The following NEDD4L variants were observed in gnomAD, a reference collection of about 807,000 sequenced individuals.
The protein encoded by NEDD4L is E3 ubiquitin-protein ligase NEDD4-like.
Under a neutral mutation model 148.9 loss-of-function variants are expected in NEDD4L, and 54 were observed. The ratio of observed to expected loss-of-function variants is 0.36; its 90% CI spans 0.29 to 0.45. NEDD4L has a LOEUF of 0.45. Ranked by LOEUF, NEDD4L falls within the 20% of genes least tolerant of loss-of-function variation. The pLI is 1.00. For missense variants in NEDD4L, 856 were observed against 1,233.8 expected (o/e 0.69, Z 4.59); for synonymous variants, 433 against 440.7 (o/e 0.98, Z 0.22).
intron 6 of NEDD4L, among the ~76,000 whole-genome samples, chr18:58,318,955 T>C (rs1457716924): frequency 6.6e-6 from 1 of 152,226 alleles, no homozygotes; most frequent in Non-Finnish European, 1.5e-5. Flanking sequence ...CATGGCTGAC[T>C]CTGGAATTTA....
At chr18:58,373,506 C>G (rs1427471224) in intron 24 of NEDD4L, among the ~76,000 whole-genome samples, 2 of 152,184 alleles carry the variant, frequency 1.3e-5, no homozygotes, top group Admixed American at 6.5e-5. Context: ...GGGGCATGAA[C>G]CAGCACCTCT....
At position 58,385,605 on chromosome 18, in the gene NEDD4L, G is replaced by T; in HGVS notation, c.2487+19G>T. 6.2e-7 allele frequency: 1 copy of T among 1,608,440 alleles called. No homozygotes were observed. Among genetic ancestry groups the T allele is most frequent in the Non-Finnish European group, 8.5e-7 (1 of 1,174,888 alleles). On this transcript the variant is annotated intron_variant, in intron 26 of 30. Transcript: ENST00000400345. ...CTTGGAGGTAAGCCATGCTGGCCAG[G>T]GTTCTCTGCCATGTGCCTCTGGTCC...
At chr18:58,310,463 A>G (rs975186755) in intron 5 of NEDD4L, among the ~76,000 whole-genome samples, 3 of 152,206 alleles carry the variant, frequency 2.0e-5, no homozygotes, top group African/African-American at 7.2e-5. Flanking sequence ...CATTCAGAGA[A>G]TATGTCATCA....
At chr18:58,248,636 G>A (rs908653250) in intron 3 of NEDD4L, among the ~76,000 whole-genome samples, 2 of 151,986 alleles carry the variant, frequency 1.3e-5, no homozygotes, top group Non-Finnish European at 2.9e-5. Flanking sequence ...ATATTTTCAC[G>A]ATGACTCTTT....
intron 1 of NEDD4L, among the ~76,000 whole-genome samples, chr18:58,144,773 A>G (rs539746849): frequency 1.3e-5 from 2 of 152,330 alleles, no homozygotes; most frequent in African/African-American, 4.8e-5. Context: ...ACACCATTTA[A>G]TGCAGGTGGA....
At position 58,256,468 on chromosome 18, in the gene NEDD4L, T is replaced by C. The variant is rs2148581133; in HGVS notation, c.297+4414T>C. ...AGGGGGACAGGTTGGTGAGGTATCC[T>C]CGCATTCGGCTGGAGAGGAGCACCT... On this transcript the variant is annotated intron_variant, in intron 5 of 30. Coordinates refer to ENST00000400345, the MANE Select transcript of NEDD4L (RefSeq NM_001144967.3). This position sits in a 1 kb window ranked among gnomAD's most constrained non-coding sequence, Gnocchi z 5.2. 1 of 1,232,220 alleles carries C rather than the reference T, an allele frequency of 8.1e-7. No individual in the cohort carries two copies. Among genetic ancestry groups the C allele is most frequent in the Non-Finnish European group, 1.0e-6 (1 of 988,052 alleles). The allele number at this position is 1,232,220 out of a possible 1,614,324, so 76.3% of individuals were successfully genotyped here.
At chr18:58,284,678 T>C (rs1299188712) in intron 5 of NEDD4L, among the ~76,000 whole-genome samples, 1 of 152,264 alleles carries the variant, frequency 6.6e-6, no homozygotes, top group African/African-American at 2.4e-5. Context: ...ATATCAAATA[T>C]TTAATCTTAC....
chr18:58,055,633 CA>C (rs2082055140), intron 1 of NEDD4L, among the ~76,000 whole-genome samples: 1 of 152,158 alleles, frequency 6.6e-6, no homozygotes, highest in Non-Finnish European at 1.5e-5. Flanking sequence ...ATTAGGAGCT[CA>C]CCACTACGTT....
chr18:58,330,574 T>C (rs777894551), intron 10 of NEDD4L, among the ~76,000 whole-genome samples, 164 bp from the exon 11 acceptor site: 1 of 152,242 alleles, frequency 6.6e-6, no homozygotes, highest in Non-Finnish European at 1.5e-5. Context: ...GGGGGAGTTA[T>C]CTTCCTCGTG....
intron 18 of NEDD4L, among the ~76,000 whole-genome samples, chr18:58,356,119 A>AT (rs760239489): frequency 6.8e-5 from 10 of 146,850 alleles, no homozygotes; most frequent in African/African-American, 9.9e-5. Flanking sequence ...CACCTGGCTA[A>AT]TTTTTTTTTT....
chr18:58,161,166 G>A (rs2036158203), intron 1 of NEDD4L, among the ~76,000 whole-genome samples: 1 of 152,066 alleles, frequency 6.6e-6, no homozygotes, highest in South Asian at 2.1e-4. Context: ...GAGTAGCTGG[G>A]ACTACTGGCA....
intron 1 of NEDD4L, among the ~76,000 whole-genome samples, chr18:58,161,246 G>T (rs1199406822): frequency 6.6e-6 from 1 of 152,036 alleles, no homozygotes; most frequent in African/African-American, 2.4e-5. Flanking sequence ...GGTCAGGCTG[G>T]TCTTGAACTC....
intron 5 of NEDD4L, among the ~76,000 whole-genome samples, chr18:58,306,983 A>G (rs1041546054): frequency 3.9e-5 from 6 of 152,194 alleles, no homozygotes; most frequent in African/African-American, 1.2e-4. Flanking sequence ...TAGATGAGCT[A>G]CAGGTTGGCT....
In NEDD4L at chr18:58,112,790, C is replaced by T. The variant is rs142971604; in HGVS notation, c.49-52998C>T. On this transcript the variant is annotated intron_variant, in intron 1 of 30. Transcript: ENST00000400345. ...CAGGCATGAGCCACCATGCCTGGCCCATTATATATACATTTTTAATATAAT... is the reference window on the plus strand; with the variant it reads ...CAGGCATGAGCCACCATGCCTGGCCTATTATATATACATTTTTAATATAAT... Among the ~76,000 whole-genome samples, 507 of 152,236 alleles carry T rather than the reference C, an allele frequency of 3.3e-3. 4 individuals carry two copies. The highest frequency in any genetic ancestry group is 0.011 in the African/African-American group (460 of 41,542).
intron 24 of NEDD4L, among the ~76,000 whole-genome samples, chr18:58,376,711 G>A (rs1322126891): frequency 2.0e-5 from 3 of 152,108 alleles, no homozygotes; most frequent in Non-Finnish European, 2.9e-5. Context: ...ATATAAAAAT[G>A]AGCATGTCAT....
chr18:58,231,237 CAAAAAAAAAA>C (rs67220469), intron 2 of NEDD4L, among the ~76,000 whole-genome samples: 1 of 90,182 alleles, frequency 1.1e-5, no homozygotes, highest in Admixed American at 1.2e-4. Context: ...GACCCTATCT[CAAAAAAAAAA>C]AAAAAAAAAA....
At chr18:58,266,820 T>C (rs2050286967) in intron 5 of NEDD4L, among the ~76,000 whole-genome samples, 1 of 152,046 alleles carries the variant, frequency 6.6e-6, no homozygotes. Context: ...GTACTAAGAG[T>C]CTTGTGTTTT....
intron 2 of NEDD4L, among the ~76,000 whole-genome samples, chr18:58,227,646 A>G (rs1037332812): frequency 6.6e-6 from 1 of 152,096 alleles, no homozygotes; most frequent in Admixed American, 6.5e-5. Context: ...CGAAGTTCCT[A>G]CTGTTGTTCA....
chr18:58,193,739 A>T (rs922231542), intron 2 of NEDD4L: 3 of 152,108 alleles, frequency 2.0e-5, no homozygotes, highest in African/African-American at 7.2e-5. Context: ...TCTCCTGCTC[A>T]TTGTTTTTGA....
Sources: gnomAD v4.1 joint callset for allele counts (sites outside exome capture counted in the v4.1 genomes callset) on GRCh38, gnomAD v4.1.1 for gene constraint, Gnocchi (gnomAD v3.1) non-coding constraint, MANE v1.5 for transcripts, NCBI Gene and HGNC (gene_info 2026-07-23, HGNC 2026-07-21) for gene names.